Variants in LEPR observed in about 807,000 individuals in gnomAD.
LEPR encodes the protein OB receptor.
LEPR carries 56 observed loss-of-function variants against 114.7 expected under a neutral mutation model. The ratio of observed to expected loss-of-function variants is 0.49; its 90% CI spans 0.39 to 0.61. The LOEUF (loss-of-function observed/expected upper bound fraction) is 0.61. Ranked by LOEUF, LEPR falls within the 20% of genes least tolerant of loss-of-function variation. The probability of loss-of-function intolerance (pLI) is 0.00; values close to 1 mark genes in which losing one functional copy is unlikely to be tolerated. For synonymous variants in LEPR, 443 were observed against 461.4 expected, an observed-to-expected ratio of 0.96 and a Z score of 0.51; for missense variants, 1,202 against 1,352.9, an observed-to-expected ratio of 0.89 and a Z score of 1.75.
chr1:65,591,344 G>A (rs376973520), intron 5 of LEPR, among the ~76,000 whole-genome samples: 32 of 152,150 alleles, frequency 2.1e-4, no homozygotes, highest in African/African-American at 2.9e-4. Context: ...CAGTTGATGC[G>A]TTGTTCACGT....
At chr1:65,493,774 T>C (rs1399925607) in intron 2 of LEPR, 6 of 152,156 alleles carry the variant, frequency 3.9e-5, no homozygotes, top group Non-Finnish European at 7.4e-5. Context: ...TATCTTTTAG[T>C]CAAACTACCT....
intron 2 of LEPR, among the ~76,000 whole-genome samples, chr1:65,553,332 C>A (rs188077249): frequency 4.6e-5 from 7 of 152,226 alleles, no homozygotes; most frequent in African/African-American, 1.7e-4. Flanking sequence ...TTCTGTTCTC[C>A]CCATCACTTT....
At chr1:65,431,359 A>G (rs1646481870) in intron 2 of LEPR, among the ~76,000 whole-genome samples, 1 of 152,254 alleles carries the variant, frequency 6.6e-6, no homozygotes, top group African/African-American at 2.4e-5. Context: ...TAAGCTGGAA[A>G]GCAGTTTTCA....
intron 3 of LEPR, among the ~76,000 whole-genome samples, chr1:65,566,759 T>C (rs1653791766): frequency 6.6e-6 from 1 of 152,218 alleles, no homozygotes; most frequent in South Asian, 2.1e-4. Flanking sequence ...TCTCCTTGGC[T>C]ACCCCAATCT....
At chr1:65,496,459 C>T (rs191963929) in intron 2 of LEPR, among the ~76,000 whole-genome samples, 1 of 152,014 alleles carries the variant, frequency 6.6e-6, no homozygotes, top group Admixed American at 6.6e-5. Context: ...TGCCTGTAGT[C>T]CCTGCCAGTT....
At chr1:65,490,109 C>A (rs182242751) in intron 2 of LEPR, among the ~76,000 whole-genome samples, 4 of 152,006 alleles carry the variant, frequency 2.6e-5, no homozygotes, top group Admixed American at 6.6e-5. Flanking sequence ...ATTAATACTA[C>A]CAGATTATAG....
intron 2 of LEPR, among the ~76,000 whole-genome samples, chr1:65,475,503 G>A (rs1025561723): frequency 6.6e-6 from 1 of 152,126 alleles, no homozygotes; most frequent in African/African-American, 2.4e-5. Context: ...TCCCTTCCAC[G>A]TAGAACCCTG....
At chr1:65,434,706 T>C in intron 2 of LEPR, 1 of 985,470 alleles carries the variant, frequency 1.0e-6, no homozygotes, top group Non-Finnish European at 1.2e-6. Context: ...CCACTCATTT[T>C]CACCTCCTAA....
At chr1:65,594,219 G>T (rs1655894268) in intron 6 of LEPR, among the ~76,000 whole-genome samples, 1 of 151,972 alleles carries the variant, frequency 6.6e-6, no homozygotes, top group African/African-American at 2.4e-5. Context: ...AAAATCCAGA[G>T]CAAAAGGTGC....
intron 2 of LEPR, among the ~76,000 whole-genome samples, chr1:65,442,406 T>A (rs1389674691): frequency 6.6e-6 from 1 of 152,222 alleles, no homozygotes; most frequent in Non-Finnish European, 1.5e-5. Context: ...TGTCCTGCCT[T>A]TTCCAACTAA....
intron 2 of LEPR, among the ~76,000 whole-genome samples, chr1:65,439,580 G>C (rs969999539): frequency 6.6e-6 from 1 of 152,022 alleles, no homozygotes; most frequent in African/African-American, 2.4e-5. Context: ...ACTTTGGAAG[G>C]CTGAGGCAGG....
rs189604921 is a variant in LEPR, at chr1:65,528,785, T to G, written c.-20-36761T>G. 5.3e-4 allele frequency among the ~76,000 whole-genome samples: 80 copies of G among 152,212 alleles called. 1 individual carries two copies. The highest frequency in any genetic ancestry group is 8.5e-4 in the Admixed American group (13 of 15,288). On this transcript the variant is annotated intron_variant, in intron 2 of 19. Coordinates refer to ENST00000349533, the MANE Select transcript of LEPR (RefSeq NM_002303.6). ...TTCTTCATCACAAATCTAATTTACC[T>G]TTTTTTAAAAAAAGAAAGTTATTTA...
At chr1:65,490,049 G>A (rs564912996) in intron 2 of LEPR, among the ~76,000 whole-genome samples, 7 of 152,074 alleles carry the variant, frequency 4.6e-5, no homozygotes, top group East Asian at 1.9e-4. Flanking sequence ...GCAATCTTTC[G>A]GAAATTCTCT....
intron 5 of LEPR, among the ~76,000 whole-genome samples, chr1:65,579,742 C>G (rs1654852605): frequency 6.6e-6 from 1 of 151,954 alleles, no homozygotes; most frequent in African/African-American, 2.4e-5. Flanking sequence ...TGTGTAAGGT[C>G]TTAAATTCTA....
At chr1:65,628,963 G>C (rs1461119657) in intron 19 of LEPR, among the ~76,000 whole-genome samples, 1 of 152,032 alleles carries the variant, frequency 6.6e-6, no homozygotes, top group East Asian at 1.9e-4. Flanking sequence ...TTAGTTAACT[G>C]TCTGACTTTT....
chr1:65,463,798 G>A (rs1047219553), intron 2 of LEPR, among the ~76,000 whole-genome samples: 5 of 152,146 alleles, frequency 3.3e-5, no homozygotes, highest in African/African-American at 1.2e-4. Context: ...GTGAATGGGA[G>A]TTCATTCATG....
chr1:65,632,784 C>T (rs564961049), intron 19 of LEPR, among the ~76,000 whole-genome samples: 1 of 151,934 alleles, frequency 6.6e-6, no homozygotes, highest in East Asian at 1.9e-4. Context: ...CTTTTCACTG[C>T]TCTCCTCTTT....
chr1:65,540,255 C>T (rs1380046737), intron 2 of LEPR, among the ~76,000 whole-genome samples: 1 of 152,104 alleles, frequency 6.6e-6, no homozygotes, highest in African/African-American at 2.4e-5. Context: ...GTAGTTACTA[C>T]CTTTGTTATA....
intron 19 of LEPR, chr1:65,634,935 T>C (rs1046901362): frequency 1.5e-5 from 12 of 815,096 alleles, no homozygotes; most frequent in African/African-American, 1.9e-5. Context: ...TTATGAATAA[T>C]AGGAAAGTTG....
Sources: gnomAD v4.1 joint callset for allele counts (sites outside exome capture counted in the v4.1 genomes callset) on GRCh38, gnomAD v4.1.1 for gene constraint, MANE v1.5 for transcripts, NCBI Gene and HGNC (gene_info 2026-07-23, HGNC 2026-07-21) for gene names.